HSDL2: variants seen among roughly 807,000 people sequenced by gnomAD.
HSDL2 encodes hydroxysteroid dehydrogenase like 2, also known as hydroxysteroid dehydrogenase-like protein 2.
Under a neutral mutation model 46.3 loss-of-function variants are expected in HSDL2, and 27 were observed. That is an observed-to-expected ratio of 0.58 (90% CI 0.43 to 0.80). The LOEUF (loss-of-function observed/expected upper bound fraction) is 0.80, where lower values mean the gene tolerates loss of function less well. Ranked by LOEUF, HSDL2 falls within the 30% of genes least tolerant of loss-of-function variation. HSDL2 has a pLI of 0.00. For missense variants in HSDL2, 451 were observed against 502.7 expected, an observed-to-expected ratio of 0.90 and a Z score of 0.98; for synonymous variants, 153 against 163.6, an observed-to-expected ratio of 0.94 and a Z score of 0.50.
chr9:112,470,150 C>T (rs143095569), intron 10 of HSDL2, among the ~76,000 whole-genome samples: 6 of 152,168 alleles, frequency 3.9e-5, no homozygotes, highest in African/African-American at 1.2e-4. Context: ...ATTTGAGGGC[C>T]GTGTATCCTT....
chr9:112,398,403 A>T (rs888262745), intron 1 of HSDL2, among the ~76,000 whole-genome samples: 1 of 151,950 alleles, frequency 6.6e-6, no homozygotes, highest in Non-Finnish European at 1.5e-5. Flanking sequence ...GTTAGTATAG[A>T]TATGGTCCTG....
chr9:112,419,800 C>A (rs1160985179), intron 6 of HSDL2, among the ~76,000 whole-genome samples: 1 of 152,028 alleles, frequency 6.6e-6, no homozygotes, highest in Non-Finnish European at 1.5e-5. Context: ...GCTTGGTGTG[C>A]AAATTTACAG....
chr9:112,457,033 A>C (rs1409098155), intron 9 of HSDL2, among the ~76,000 whole-genome samples: 3 of 152,170 alleles, frequency 2.0e-5, no homozygotes, highest in Non-Finnish European at 4.4e-5. Flanking sequence ...CTGTAGTCCC[A>C]GCTACTTGGG....
chr9:112,429,514 T>C (rs950186520), intron 6 of HSDL2, among the ~76,000 whole-genome samples: 1 of 152,226 alleles, frequency 6.6e-6, no homozygotes, highest in African/African-American at 2.4e-5. Context: ...TCTTTGACTC[T>C]TAAGAATTTT....
chr9:112,408,967 C>G lies in HSDL2; in HGVS notation c.341C>G (p.Pro114Arg). 6.2e-7 allele frequency: 1 copy of G among 1,609,404 alleles called. No individual in the cohort carries two copies. The highest frequency in any genetic ancestry group is 8.5e-7 in the Non-Finnish European group (1 of 1,177,020). ...AISLTNTLDTPTKRLDLMMNV... is the reference protein window; with the variant it reads ...AISLTNTLDTRTKRLDLMMNV... ...AGTTTGACCAATACATTGGACACAC[C>G]TACCAAGAGATTGGATCTGATGATG... Residue 114 changes from proline (P) to arginine (R), a missense_variant, in exon 4 of 11, where the codon CCT becomes CGT. By Grantham distance (103) the Pro-to-Arg change is moderately radical. Transcript: ENST00000398805.
At chr9:112,424,308 G>A (rs1832199996) in intron 6 of HSDL2, among the ~76,000 whole-genome samples, 1 of 141,216 alleles carries the variant, frequency 7.1e-6, no homozygotes, top group Admixed American at 7.2e-5. Context: ...GCGACAGAGC[G>A]AGATTCCATC....
At chr9:112,389,956 T>C (rs1831302277) in intron 1 of HSDL2, among the ~76,000 whole-genome samples, 1 of 151,872 alleles carries the variant, frequency 6.6e-6, no homozygotes. Context: ...TCCCAGGTAC[T>C]CAGGAGGCTG....
chr9:112,405,336 A>T (rs1278306551), intron 2 of HSDL2, among the ~76,000 whole-genome samples: 2 of 152,186 alleles, frequency 1.3e-5, no homozygotes, highest in African/African-American at 2.4e-5. Context: ...TGGGCAAGAG[A>T]GTGAGACCCT....
chr9:112,431,898 G>A (rs540307294), intron 6 of HSDL2, among the ~76,000 whole-genome samples: 28 of 147,582 alleles, frequency 1.9e-4, no homozygotes, highest in East Asian at 1.8e-3. Flanking sequence ...TTTTTGAGAC[G>A]GAGTCTTGCT....
At chr9:112,456,119 C>A (rs755406526) in intron 9 of HSDL2, among the ~76,000 whole-genome samples, 1 of 152,158 alleles carries the variant, frequency 6.6e-6, no homozygotes. Flanking sequence ...GTTAATTGAA[C>A]CTTGTCCTCA....
chr9:112,405,835 T>TA (rs1831713329), intron 3 of HSDL2, 113 bp downstream of exon 3: 1 of 673,670 alleles, frequency 1.5e-6, no homozygotes, highest in Non-Finnish European at 2.5e-6. Flanking sequence ...TTTGGAGAAA[T>TA]ACGTATTTGC....
At chr9:112,387,829 C>T (rs1158335616) in intron 1 of HSDL2, among the ~76,000 whole-genome samples, 1 of 152,012 alleles carries the variant, frequency 6.6e-6, no homozygotes, top group African/African-American at 2.4e-5. Flanking sequence ...AATGCATAAC[C>T]GGAATCTAAT....
chr9:112,470,104 TTAAC>T (rs1459743698), intron 10 of HSDL2, among the ~76,000 whole-genome samples: 2 of 152,220 alleles, frequency 1.3e-5, no homozygotes, highest in African/African-American at 2.4e-5. Context: ...AGTTGGAAAA[TTAAC>T]TAAAATAGAC....
chr9:112,428,279 T>C (rs142964737), intron 6 of HSDL2, among the ~76,000 whole-genome samples: 5 of 152,380 alleles, frequency 3.3e-5, no homozygotes, highest in African/African-American at 9.6e-5. Context: ...TTTGGTTAAA[T>C]TCCTTTCTTC....
chr9:112,421,924 T>C (rs565090358), intron 6 of HSDL2, among the ~76,000 whole-genome samples: 17 of 152,190 alleles, frequency 1.1e-4, no homozygotes, highest in Non-Finnish European at 2.2e-4. Context: ...TGTGAAAGAC[T>C]GTTCTCTCTG....
At chr9:112,453,923 G>T in intron 8 of HSDL2, 90 bp from the exon 9 acceptor site, 1 of 1,257,364 alleles carries the variant, frequency 8.0e-7, no homozygotes, top group East Asian at 2.4e-5. Flanking sequence ...GGTCTAATTG[G>T]TGGCAAGTCT....
intron 6 of HSDL2, among the ~76,000 whole-genome samples, chr9:112,435,228 TCA>T (rs139053373): frequency 2.0e-5 from 3 of 150,286 alleles, no homozygotes; most frequent in Middle Eastern, 3.4e-3. Flanking sequence ...CTATAGACAC[TCA>T]CACACACACA....
chr9:112,401,520 T>C (rs1446579983), intron 1 of HSDL2, among the ~76,000 whole-genome samples: 1 of 151,588 alleles, frequency 6.6e-6, no homozygotes, highest in Non-Finnish European at 1.5e-5. Flanking sequence ...TAGCATTCCT[T>C]GTCATCGAAT....
At chr9:112,385,652 G>A (rs1831203157) in intron 1 of HSDL2, among the ~76,000 whole-genome samples, 1 of 150,744 alleles carries the variant, frequency 6.6e-6, no homozygotes, top group African/African-American at 2.5e-5. Flanking sequence ...ACGCCTGGCC[G>A]ATTTTTTTTT....
Sources: gnomAD v4.1 joint callset for allele counts (sites outside exome capture counted in the v4.1 genomes callset) on GRCh38, gnomAD v4.1.1 for gene constraint, MANE v1.5 for transcripts, NCBI Gene and HGNC (gene_info 2026-07-23, HGNC 2026-07-21) for gene names.